Variants in ABCB1 observed in about 807,000 individuals in gnomAD.
ABCB1 encodes ATP-dependent translocase ABCB1.
Under a neutral mutation model 142.0 loss-of-function variants are expected in ABCB1, and 69 were observed. That is an observed-to-expected ratio of 0.49 (90% confidence interval 0.40 to 0.59). The LOEUF (loss-of-function observed/expected upper bound fraction) is 0.59, where lower values mean the gene tolerates loss of function less well. Ranked by LOEUF, ABCB1 falls within the 20% of genes least tolerant of loss-of-function variation. The pLI, the probability that ABCB1 is intolerant of heterozygous loss-of-function variation, is 0.00. For synonymous variants in ABCB1, 532 were observed against 539.2 expected (o/e 0.99, Z 0.18); for missense variants, 1,326 against 1,554.7 (o/e 0.85, Z 2.47).
chr7:87,600,305 G>A (rs1312207749), intron 1 of ABCB1, 115 bp from the exon 2 acceptor site: 9 of 827,692 alleles, frequency 1.1e-5, no homozygotes, highest in African/African-American at 1.7e-5. Flanking sequence ...AGCGCCCGCC[G>A]TTGATGCCCC....
intron 8 of ABCB1, 86 bp from the exon 9 acceptor site, chr7:87,554,018 G>A: frequency 7.9e-7 from 1 of 1,262,914 alleles, no homozygotes; most frequent in Admixed American, 1.8e-5. Context: ...GCTAGGATGT[G>A]TTCAGTCCTG....
intron 1 of ABCB1, among the ~76,000 whole-genome samples, chr7:87,675,382 C>A (rs772160036): frequency 6.6e-5 from 10 of 152,076 alleles, no homozygotes; most frequent in Non-Finnish European, 1.5e-4. Context: ...AACCTCCAGT[C>A]TTGAGTAGCC....
intron 1 of ABCB1, among the ~76,000 whole-genome samples, chr7:87,608,264 A>G (rs28381788): frequency 8.1e-4 from 124 of 152,342 alleles, no homozygotes; most frequent in Non-Finnish European, 1.5e-3. Context: ...CCTTACTTGT[A>G]AAATAAGACA....
At chr7:87,549,669 G>T in intron 13 of ABCB1, 151 bp from the exon 14 acceptor site, 1 of 1,409,090 alleles carries the variant, frequency 7.1e-7, no homozygotes, top group East Asian at 2.3e-5. Context: ...ACCAACCTCA[G>T]TTTTTAAAAA....
At chr7:87,643,692 T>A (rs1432400222) in intron 1 of ABCB1, among the ~76,000 whole-genome samples, 1 of 151,260 alleles carries the variant, frequency 6.6e-6, no homozygotes, top group Non-Finnish European at 1.5e-5. Flanking sequence ...AGCTGATTTT[T>A]TTTTTTTGTA....
At chr7:87,666,540 T>C (rs1166662266) in intron 1 of ABCB1, among the ~76,000 whole-genome samples, 1 of 152,026 alleles carries the variant, frequency 6.6e-6, no homozygotes, top group East Asian at 1.9e-4. Context: ...TGCTTTTGGT[T>C]TCTTTTTCAT....
At chr7:87,554,038 T>A (rs1922240) in intron 8 of ABCB1, 106 bp from the exon 9 acceptor site, 1 of 1,030,986 alleles carries the variant, frequency 9.7e-7, no homozygotes, top group African/African-American at 1.6e-5. Flanking sequence ...GTGATATACA[T>A]GCATTTTGTC....
Position 87,531,390 on chromosome 7 carries a change from T to C in ABCB1, c.2589A>G (p.Ala863=), listed in dbSNP as rs1448933387. ...YGWQLTLLLL[A]IVPIIAIAGV... ...CTGCTATTGCAATGATGGGTACAAT[T>C]GCTAAGAGTAACAGTGTTAGTTGCC... The change falls in exon 21 of 28, where the codon GCA becomes GCG. Residue 863 remains alanine, a synonymous_variant. Transcript: ENST00000622132. The C allele has an allele frequency of 1.2e-6, 2 of 1,613,558 alleles. No homozygotes were observed. Among genetic ancestry groups the C allele is most frequent in the African/African-American group, 1.3e-5 (1 of 74,992 alleles).
chr7:87,588,389 T>C (rs917005828), intron 3 of ABCB1, among the ~76,000 whole-genome samples: 2 of 152,218 alleles, frequency 1.3e-5, no homozygotes, highest in African/African-American at 4.8e-5. Flanking sequence ...GGTGTCCATG[T>C]GTTCTCATCA....
chr7:87,508,318 G>A (rs1814841475), intron 26 of ABCB1, among the ~76,000 whole-genome samples: 1 of 152,130 alleles, frequency 6.6e-6, no homozygotes, highest in Non-Finnish European at 1.5e-5. Flanking sequence ...TTTGTTTCAT[G>A]CTCAAAGTTA....
At chr7:87,643,376 G>A (rs1294091048) in intron 1 of ABCB1, among the ~76,000 whole-genome samples, 2 of 152,116 alleles carry the variant, frequency 1.3e-5, no homozygotes, top group Non-Finnish European at 2.9e-5. Flanking sequence ...TTAACTAGTT[G>A]TATTAGGCCT....
intron 23 of ABCB1, 66 bp from the exon 24 acceptor site, chr7:87,516,731 C>CA: frequency 3.7e-6 from 3 of 804,608 alleles, no homozygotes; most frequent in Non-Finnish European, 5.1e-6. Flanking sequence ...GCTGACACTC[C>CA]TTTTTTTTTT....
At chr7:87,641,833 A>G (rs1822488722) in intron 1 of ABCB1, among the ~76,000 whole-genome samples, 1 of 152,210 alleles carries the variant, frequency 6.6e-6, no homozygotes, top group South Asian at 2.1e-4. Context: ...GGTTAGGAAA[A>G]CAATATCCTC....
chr7:87,598,608 T>C (rs1405521606), intron 2 of ABCB1, among the ~76,000 whole-genome samples: 1 of 152,218 alleles, frequency 6.6e-6, no homozygotes, highest in East Asian at 1.9e-4. Flanking sequence ...TCCAAAATGA[T>C]AGCTGGAATT....
chr7:87,650,971 C>T, intron 1 of ABCB1: 1 of 1,241,194 alleles, frequency 8.1e-7, no homozygotes, highest in East Asian at 2.3e-5. Context: ...ATTTTCCCAC[C>T]AGCTGTCTTT....
intron 1 of ABCB1, among the ~76,000 whole-genome samples, chr7:87,617,950 C>G (rs1315513396): frequency 6.6e-6 from 1 of 152,206 alleles, no homozygotes; most frequent in African/African-American, 2.4e-5. Flanking sequence ...ACATTAACTT[C>G]AGGCACAGTG....
intron 2 of ABCB1, among the ~76,000 whole-genome samples, chr7:87,599,810 C>T (rs1175688542): frequency 1.3e-5 from 2 of 152,052 alleles, no homozygotes; most frequent in African/African-American, 2.4e-5. Context: ...CTTCAAATAC[C>T]CGGACTTGAT....
At chr7:87,644,781 G>A (rs1186172688) in intron 1 of ABCB1, among the ~76,000 whole-genome samples, 2 of 151,082 alleles carry the variant, frequency 1.3e-5, no homozygotes, top group Admixed American at 6.6e-5. Flanking sequence ...ATATATTAAT[G>A]CAGAACATTA....
intron 1 of ABCB1, among the ~76,000 whole-genome samples, chr7:87,624,658 G>A (rs1397368923): frequency 6.6e-6 from 1 of 152,150 alleles, no homozygotes; most frequent in Non-Finnish European, 1.5e-5. Flanking sequence ...TGAAATAGGT[G>A]CCAAAAGAAG....
Sources: allele counts gnomAD v4.1 joint callset (sites outside exome capture counted in the v4.1 genomes callset), GRCh38; gene constraint gnomAD v4.1.1; transcripts MANE v1.5; gene names NCBI Gene and HGNC (gene_info 2026-07-23, HGNC 2026-07-21).